Variants in BCAS3 observed in about 807,000 individuals in gnomAD.
BCAS3 encodes the protein BCAS3 microtubule associated cell migration factor, also known as BCAS4/BCAS3 fusion.
A neutral mutation model predicts 116.1 loss-of-function variants in BCAS3; 53 were observed. That is an observed-to-expected ratio of 0.46 (90% CI 0.37 to 0.57). The LOEUF (loss-of-function observed/expected upper bound fraction) is 0.57, where lower values mean the gene tolerates loss of function less well. Among genes scored for constraint, BCAS3 ranks in the 20% least tolerant of loss-of-function variants. The pLI, the probability that BCAS3 is intolerant of heterozygous loss-of-function variation, is 0.00. For missense variants in BCAS3, 917 were observed against 1,165.4 expected, an observed-to-expected ratio of 0.79 and a Z score of 3.10; for synonymous variants, 391 against 408.2, an observed-to-expected ratio of 0.96 and a Z score of 0.51.
chr17:60,842,143 C>G (rs1419050967), intron 7 of BCAS3, among the ~76,000 whole-genome samples: 3 of 152,038 alleles, frequency 2.0e-5, no homozygotes, highest in Non-Finnish European at 4.4e-5. Context: ...CTGCTAGTTA[C>G]TTTTAGATTT....
At chr17:61,024,667 T>C (rs893579581) in intron 16 of BCAS3, among the ~76,000 whole-genome samples, 1 of 151,874 alleles carries the variant, frequency 6.6e-6, no homozygotes, top group Non-Finnish European at 1.5e-5. Flanking sequence ...TAAGTTTCTA[T>C]ATTTTTCTTT....
At chr17:60,881,564 A>G (rs1475122633) in intron 9 of BCAS3, among the ~76,000 whole-genome samples, 1 of 149,490 alleles carries the variant, frequency 6.7e-6, no homozygotes, top group Non-Finnish European at 1.5e-5. Flanking sequence ...AGCATTAGGT[A>G]TATCTCGCAG....
In BCAS3 at chr17:61,344,662, G is replaced by T. The variant is rs1318139376; in HGVS notation, c.2426-23665G>T. ...ATCAGAAAAGGCTTCCCAGAAGTTC[G>T]ATTTAAGCTGCAGTTGAGGGATGAG... On this transcript the variant is annotated intron_variant, in intron 22 of 23. Coordinates refer to ENST00000407086, the MANE Select transcript of BCAS3 (RefSeq NM_017679.5). The surrounding 1 kb of genome is among the most constrained non-coding windows in gnomAD (Gnocchi z 4.1). Among the ~76,000 whole-genome samples the T allele has an allele frequency of 6.6e-6, 1 of 152,146 alleles. No individual in the cohort carries two copies. Among genetic ancestry groups the T allele is most frequent in the Non-Finnish European group, 1.5e-5 (1 of 68,030 alleles).
At chr17:60,767,475 G>A (rs2044235182) in intron 6 of BCAS3, among the ~76,000 whole-genome samples, 1 of 151,056 alleles carries the variant, frequency 6.6e-6, no homozygotes, top group Non-Finnish European at 1.5e-5. Flanking sequence ...CTCTCAGGAA[G>A]CTGGGACTAC....
chr17:60,853,712 A>G (rs1410404093), intron 7 of BCAS3, among the ~76,000 whole-genome samples: 1 of 151,728 alleles, frequency 6.6e-6, no homozygotes, highest in East Asian at 1.9e-4. Context: ...GGATGAATGC[A>G]TATTTAACAG....
At chr17:60,765,465 G>T (rs1420382660) in intron 6 of BCAS3, among the ~76,000 whole-genome samples, 1 of 152,142 alleles carries the variant, frequency 6.6e-6, no homozygotes, top group Non-Finnish European at 1.5e-5. Context: ...AGTTTGGCTG[G>T]ATATGAAATT....
chr17:61,168,340 C>T (rs964616448), intron 22 of BCAS3, among the ~76,000 whole-genome samples: 11 of 152,132 alleles, frequency 7.2e-5, no homozygotes, highest in Non-Finnish European at 1.5e-4. Flanking sequence ...TTCTATTTCT[C>T]CCTTCTCCTA....
chr17:60,717,405 G>A (rs1420672083), intron 5 of BCAS3, among the ~76,000 whole-genome samples: 2 of 151,888 alleles, frequency 1.3e-5, no homozygotes, highest in South Asian at 2.1e-4. Context: ...TAGTAGAGAC[G>A]GGGTTTCGCC....
At chr17:60,912,358 G>GA (rs1160797889) in intron 12 of BCAS3, among the ~76,000 whole-genome samples, 1 of 152,104 alleles carries the variant, frequency 6.6e-6, no homozygotes, top group East Asian at 1.9e-4. Flanking sequence ...TATGTTTTGA[G>GA]AAAATCTGTT....
intron 5 of BCAS3, among the ~76,000 whole-genome samples, chr17:60,742,941 G>A (rs574211617): frequency 1.2e-3 from 184 of 151,234 alleles, no homozygotes; most frequent in Non-Finnish European, 2.1e-3. Context: ...GTGAAACCCC[G>A]TCTCTACTAA....
chr17:61,119,189 A>G (rs1263280652), intron 22 of BCAS3, among the ~76,000 whole-genome samples: 1 of 152,178 alleles, frequency 6.6e-6, no homozygotes, highest in Admixed American at 6.5e-5. Context: ...GGGTTTTTCT[A>G]ATCCCCTCTC....
rs931323276 is a variant in BCAS3 at position 61,300,325 on chromosome 17, G to A, written c.2426-68002G>A. Among the ~76,000 whole-genome samples the A allele has an allele frequency of 6.6e-6, 1 of 151,858 alleles. No individual in the cohort carries two copies. The highest frequency in any genetic ancestry group is 1.5e-5 in the Non-Finnish European group (1 of 67,986). ...AGAGAAGTGTCTGGTCCCCATGCCCGCCCTCCTCCCCTTTAACTCCTCGCC... is the reference window on the plus strand; with the variant it reads ...AGAGAAGTGTCTGGTCCCCATGCCCACCCTCCTCCCCTTTAACTCCTCGCC... On this transcript the variant is annotated intron_variant, in intron 22 of 23. Coordinates refer to ENST00000407086, the MANE Select transcript of BCAS3 (RefSeq NM_017679.5). The surrounding 1 kb of genome is among the most constrained non-coding windows in gnomAD (Gnocchi z 5.1).
chr17:61,047,753 C>T (rs1278861858), intron 19 of BCAS3, among the ~76,000 whole-genome samples: 1 of 152,016 alleles, frequency 6.6e-6, no homozygotes, highest in African/African-American at 2.4e-5. Context: ...TGCTGTAGAG[C>T]TTCCAATTTG....
chr17:61,177,464 G>A (rs539300495), intron 22 of BCAS3, among the ~76,000 whole-genome samples: 17 of 152,244 alleles, frequency 1.1e-4, no homozygotes, highest in Admixed American at 5.2e-4. Flanking sequence ...CATACTGTAC[G>A]GCTTCATTTT....
chr17:60,768,639 GA>G (rs2144399992), intron 6 of BCAS3, among the ~76,000 whole-genome samples: 1 of 152,262 alleles, frequency 6.6e-6, no homozygotes, highest in African/African-American at 2.4e-5. Flanking sequence ...TTCCTCTAGA[GA>G]ACCCTGACTA....
chr17:60,896,100 C>T lies in BCAS3; in HGVS notation c.738+6329C>T, dbSNP rs911993577. On this transcript the variant is annotated intron_variant, in intron 10 of 23. Coordinates refer to ENST00000407086, the MANE Select transcript of BCAS3 (RefSeq NM_017679.5). The stretch of plus-strand genomic sequence containing the variant: ...CAGCACTTTGGGAGGCCAAGGCGGG[C>T]CAATGACTTGAGGTCAGGAGTTCAA... 4.6e-5 allele frequency among the ~76,000 whole-genome samples: 7 copies of T among 152,190 alleles called. No homozygotes were observed. In the South Asian group the frequency reaches 6.2e-4, roughly 14 times the overall value.
chr17:61,138,035 C>A (rs1380303049), intron 22 of BCAS3, among the ~76,000 whole-genome samples: 1 of 152,134 alleles, frequency 6.6e-6, no homozygotes, highest in Non-Finnish European at 1.5e-5. Flanking sequence ...CAGTTCTCAT[C>A]TTTCAGATAG....
rs77042380 is a variant in BCAS3 at position 61,291,697 on chromosome 17, A to C, written c.2426-76630A>C. On this transcript the variant is annotated intron_variant, in intron 22 of 23. Coordinates refer to ENST00000407086, the MANE Select transcript of BCAS3 (RefSeq NM_017679.5). Reference sequence around the variant, plus strand: ...TTATGGCAGTTTGTGCTTCGTGTACACTTTCATGTGTTTAGGATGGTTGCC... The same window carrying C: ...TTATGGCAGTTTGTGCTTCGTGTACCCTTTCATGTGTTTAGGATGGTTGCC... 5.2e-4 allele frequency among the ~76,000 whole-genome samples: 79 copies of C among 152,258 alleles called. 1 individual carries two copies. Among genetic ancestry groups the C allele is most frequent in the Middle Eastern group, 3.4e-3 (1 of 294 alleles).
rs759158963 is a variant in BCAS3 at position 61,069,931 on chromosome 17, G to C, written c.2030-4989G>C. On this transcript the variant is annotated intron_variant, in intron 19 of 23. Transcript: ENST00000407086. ...TCCTAAAGCCGAAGCCAAAGCGAAG[G>C]CTTTAAAGGCCAAGAAGGCAGTGTT... The C allele has an allele frequency of 1.5e-5, 23 of 1,553,268 alleles. No individual in the cohort carries two copies. In the South Asian group the frequency reaches 2.0e-4, roughly 13 times the overall value.
Sources: gnomAD v4.1 joint callset for allele counts (sites outside exome capture counted in the v4.1 genomes callset) on GRCh38, gnomAD v4.1.1 for gene constraint, Gnocchi (gnomAD v3.1) non-coding constraint, MANE v1.5 for transcripts, NCBI Gene and HGNC (gene_info 2026-07-23, HGNC 2026-07-21) for gene names.